The following SLC25A47 variants were observed in gnomAD, a reference collection of about 807,000 sequenced individuals.
SLC25A47 encodes the protein HCC-down-regulated mitochondrial carrier protein.
A neutral mutation model predicts 29.8 loss-of-function variants in SLC25A47; 30 were observed. The ratio of observed to expected loss-of-function variants is 1.01; its 90% CI spans 0.75 to 1.36. The LOEUF (loss-of-function observed/expected upper bound fraction) is 1.36. SLC25A47 is among the 40% of genes most tolerant of loss of function. The pLI is 0.00. For missense variants in SLC25A47, 430 were observed against 441.9 expected, an observed-to-expected ratio of 0.97 and a Z score of 0.24; for synonymous variants, 204 against 197.8, an observed-to-expected ratio of 1.03 and a Z score of -0.26.
chr14:100,326,759 T>G (rs572420718), intron 3 of SLC25A47, among the ~76,000 whole-genome samples: 2 of 152,184 alleles, frequency 1.3e-5, no homozygotes, highest in East Asian at 3.9e-4. Flanking sequence ...AGATCACCTG[T>G]GGTCAGGAGT....
chr14:100,329,009 G>T lies in SLC25A47; in HGVS notation c.611G>T (p.Cys204Phe). 1 of 1,600,006 alleles carries T rather than the reference G, an allele frequency of 6.2e-7. No individual in the cohort carries two copies. The change falls in exon 5 of 6, where the codon TGC becomes TTC. Residue 204 changes from cysteine (C) to phenylalanine (F), a missense_variant. Coordinates refer to ENST00000361529, the MANE Select transcript of SLC25A47 (RefSeq NM_207117.4). ...ATYFLSYAVL[C>F]EWLSPAGHSR... The stretch of plus-strand genomic sequence containing the variant: ...TACTTCCTTTCCTACGCGGTCCTCT[G>T]CGAGTGGCTCAGCCCCGCTGGCCAC...
chr14:100,328,152 C>T (rs369339438), intron 4 of SLC25A47, among the ~76,000 whole-genome samples: 1 of 143,088 alleles, frequency 7.0e-6, no homozygotes, highest in Non-Finnish European at 1.5e-5. Flanking sequence ...TGCTCGGTTA[C>T]CCAGGCCAGT....
chr14:100,329,175 C>A, intron 5 of SLC25A47, 131 bp downstream of exon 5: 1 of 1,222,574 alleles, frequency 8.2e-7, no homozygotes, highest in Non-Finnish European at 1.1e-6. Flanking sequence ...GTGGGCTCCT[C>A]AGTTCTCCCA....
intron 1 of SLC25A47, among the ~76,000 whole-genome samples, chr14:100,324,119 C>T (rs78336977): frequency 0.016 from 2,360 of 152,236 alleles, 59 homozygotes; most frequent in African/African-American, 0.054. Context: ...TCTTGTGAAA[C>T]ATCGGTGGGT....
In SLC25A47 at chr14:100,328,793, A is replaced by G; in HGVS notation, c.395A>G (p.Gln132Arg). The G allele has an allele frequency of 6.2e-7, 1 of 1,613,006 alleles. No homozygotes were observed. The highest frequency in any genetic ancestry group is 8.5e-7 in the Non-Finnish European group (1 of 1,179,944). Residue 132 changes from glutamine (Q) to arginine (R), a missense_variant, in exon 5 of 6, where the codon CAG (glutamine) becomes CGG (arginine). Physicochemically the swap from Gln to Arg is conservative, Grantham distance 43 (BLOSUM62 1). Transcript: ENST00000361529. ...RLQTQTQAQK[Q>R]QRRLSASGPL... ...CAGACGCAGACACAGGCGCAGAAGC[A>G]GCAGCGGCGGCTTTCGGCCTCGGGG...
At position 100,329,963 on chromosome 14, in the gene SLC25A47, C is replaced by G; in HGVS notation, c.*318C>G. 1 of 397,060 alleles carries G rather than the reference C, an allele frequency of 2.5e-6. No individual in the cohort carries two copies. The highest frequency in any genetic ancestry group is 5.2e-5 in the East Asian group (1 of 19,310). 24.6% of individuals were successfully genotyped at this position (397,060 alleles called of 1,614,324 possible). A position where few individuals can be genotyped will look rare whatever the true frequency, so the allele number is the denominator to read the frequency against. ...CCCAGCCTCCCCATGGCCCTCGCCTCCCATGTCTTTGAAGCACCCCTCCAG... is the reference window on the plus strand; with the variant it reads ...CCCAGCCTCCCCATGGCCCTCGCCTGCCATGTCTTTGAAGCACCCCTCCAG... On this transcript the variant is annotated 3_prime_UTR_variant, in exon 6 of 6. Transcript: ENST00000361529.
chr14:100,328,680 G>C, intron 4 of SLC25A47, 46 bp from the exon 5 acceptor site: 1 of 1,587,666 alleles, frequency 6.3e-7, no homozygotes, highest in African/African-American at 1.3e-5. Context: ...TCCAGGCTGT[G>C]GGCAGAGCCA....
rs1282061365 is a variant in SLC25A47, at chr14:100,329,672, C to T, written c.*27C>T. On this transcript the variant is annotated 3_prime_UTR_variant, in exon 6 of 6. Transcript: ENST00000361529. ...CGGTCCCCACGCCCAGCGGCCCACC[C>T]ACCAGCAGCTGCTGGAGGTCGTAGT... 1 of 1,587,632 alleles carries T rather than the reference C, an allele frequency of 6.3e-7. No homozygotes were observed. The highest frequency in any genetic ancestry group is 1.1e-5 in the South Asian group (1 of 88,030).
intron 1 of SLC25A47, among the ~76,000 whole-genome samples, chr14:100,324,995 C>T (rs1274249089): frequency 6.6e-6 from 1 of 152,202 alleles, no homozygotes; most frequent in Non-Finnish European, 1.5e-5. Context: ...TTATTCACTT[C>T]ATTCTTTCAT....
rs148360182 is a variant in SLC25A47, at chr14:100,329,484, C to T, written c.766C>T (p.Arg256Trp). 6.1e-3 allele frequency: 9,913 copies of T among 1,613,400 alleles called. 51 individuals carry two copies. The highest frequency in any genetic ancestry group is 7.3e-3 in the Non-Finnish European group (8,642 of 1,179,988). ...AGACGGGCAGGGCCAGAGGCGCTAC[C>T]GGGGTCTCCTGCACTGTATGGTGAC... ...QADGQGQRRY[R>W]GLLHCMVTSV... The change falls in exon 6 of 6, where the codon CGG becomes TGG. Residue 256 changes from arginine (R) to tryptophan (W), a missense_variant. Physicochemically the swap from Arg to Trp is moderately radical, Grantham distance 101 (BLOSUM62 -3). Transcript: ENST00000361529.
At position 100,329,607 on chromosome 14, in the gene SLC25A47, G is replaced by C; in HGVS notation, c.889G>C (p.Glu297Gln). 6.2e-7 allele frequency: 1 copy of C among 1,613,560 alleles called. No individual in the cohort carries two copies. The highest frequency in any genetic ancestry group is 8.5e-7 in the Non-Finnish European group (1 of 1,179,976). Residue 297 changes from glutamate to glutamine, a missense_variant, in exon 6 of 6, where the codon GAG (glutamate) becomes CAG (glutamine). Transcript: ENST00000361529. ...PVNMVVFVAY[E>Q]AVLRLARGLL... The stretch of plus-strand genomic sequence containing the variant: ...CAACATGGTGGTCTTCGTCGCCTAT[G>C]AGGCAGTGCTGAGGCTCGCCCGGGG...
At chr14:100,326,309 G>A in intron 3 of SLC25A47, 81 bp downstream of exon 3, 3 of 1,314,844 alleles carry the variant, frequency 2.3e-6, no homozygotes, top group Admixed American at 3.8e-5. Context: ...GGTGATGCCA[G>A]GCTCCCCGCT....
intron 1 of SLC25A47, among the ~76,000 whole-genome samples, chr14:100,324,865 A>T (rs1242493118): frequency 6.6e-6 from 1 of 152,166 alleles, no homozygotes; most frequent in African/African-American, 2.4e-5. Context: ...GGCTCCAGAG[A>T]GGAGGTAGTG....
At position 100,325,776 on chromosome 14, in the gene SLC25A47, C is replaced by T; in HGVS notation, c.29-12C>T. On this transcript the variant is annotated splice_polypyrimidine_tract_variant and intron_variant, in intron 1 of 5. Transcript: ENST00000361529. ...CCACTCTCCTCACCGTGGGCCTCTT[C>T]TTTCCTTGCAGGCGTCTGCGGTGTT... The T allele has an allele frequency of 6.2e-7, 1 of 1,612,694 alleles. No homozygotes were observed. Among genetic ancestry groups the T allele is most frequent in the Non-Finnish European group, 8.5e-7 (1 of 1,179,304 alleles).
At chr14:100,326,368 A>G (rs1038079957) in intron 3 of SLC25A47, 140 bp downstream of exon 3, 12 of 766,708 alleles carry the variant, frequency 1.6e-5, no homozygotes, top group Non-Finnish European at 2.6e-5. Context: ...TGCCAATCTC[A>G]TGGGTTCCTC....
chr14:100,323,472 C>T (rs764881385), intron 1 of SLC25A47, 30 bp downstream of exon 1: 1 of 1,613,184 alleles, frequency 6.2e-7, no homozygotes, highest in Non-Finnish European at 8.5e-7. Context: ...GCTGTGCAGA[C>T]ACTGCTGCTC....
intron 5 of SLC25A47, 138 bp downstream of exon 5, chr14:100,329,182 C>A: frequency 8.2e-7 from 1 of 1,218,040 alleles, no homozygotes; most frequent in Non-Finnish European, 1.1e-6. Flanking sequence ...CCTCAGTTCT[C>A]CCAACACCAA....
rs956326762 is a variant in SLC25A47, at chr14:100,329,840, C to G, written c.*195C>G. The G allele has an allele frequency of 1.3e-6, 1 of 751,508 alleles. No individual in the cohort carries two copies. The highest frequency in any genetic ancestry group is 2.1e-6 in the Non-Finnish European group (1 of 479,584). 46.6% of individuals were successfully genotyped at this position (751,508 alleles called of 1,614,324 possible). ...GCTACTGACCTCAGGTCGAGGGGCC[C>G]GCCAGCCATCAGCCAGGGTTGGCCT... On this transcript the variant is annotated 3_prime_UTR_variant, in exon 6 of 6. Coordinates refer to ENST00000361529, the MANE Select transcript of SLC25A47 (RefSeq NM_207117.4).
At chr14:100,324,812 T>C (rs1893308391) in intron 1 of SLC25A47, among the ~76,000 whole-genome samples, 3 of 152,228 alleles carry the variant, frequency 2.0e-5, no homozygotes, top group African/African-American at 7.2e-5. Context: ...CTGCTCAACA[T>C]GTTCCAGGCA....
Sources: allele counts gnomAD v4.1 joint callset (sites outside exome capture counted in the v4.1 genomes callset), GRCh38; gene constraint gnomAD v4.1.1; transcripts MANE v1.5; gene names NCBI Gene and HGNC (gene_info 2026-07-23, HGNC 2026-07-21).